Variants in RPL9 observed in about 807,000 individuals in gnomAD.
The protein encoded by RPL9 is large ribosomal subunit protein uL6.
For missense variants in RPL9, 149 were observed against 236.7 expected (o/e 0.63, Z 2.43); for synonymous variants, 82 against 77.1 (o/e 1.06, Z -0.33).
intron 4 of RPL9, 31 bp from the exon 5 acceptor site, chr4:39,456,569 A>C (rs772726721): frequency 3.1e-6 from 5 of 1,602,192 alleles, no homozygotes. Context: ...AGCTATTAGC[A>C]ATGCTGAGGA....
intron 1 of RPL9, 199 bp downstream of exon 1, chr4:39,458,692 C>T (rs1267187742): frequency 1.1e-5 from 7 of 623,564 alleles, no homozygotes; most frequent in Admixed American, 2.7e-5. Context: ...GCGGTGCCAT[C>T]CCGGCAAGAC....
At chr4:39,454,698 A>C in intron 6 of RPL9, 49 bp from the exon 7 acceptor site, 1 of 1,528,932 alleles carries the variant, frequency 6.5e-7, no homozygotes, top group Admixed American at 1.9e-5. Context: ...AACCCATCTT[A>C]AAAAGAAAGT....
At position 39,457,578 on chromosome 4, in the gene RPL9, C is replaced by T. The variant is rs202041451; in HGVS notation, c.258+8G>A. ...TCCAAAACAAGGAAGTCTGATACAT[C>T]TGCTTACCAGTGTAACACCCTTGAT... On this transcript the variant is annotated splice_region_variant and intron_variant, in intron 4 of 7. Coordinates refer to ENST00000295955, the MANE Select transcript of RPL9 (RefSeq NM_000661.5). 1.7e-5 allele frequency: 27 copies of T among 1,609,632 alleles called. No individual in the cohort carries two copies. Among genetic ancestry groups the T allele is most frequent in the Middle Eastern group, 1.7e-4 (1 of 5,970 alleles).
chr4:39,458,599 C>A, intron 1 of RPL9, 159 bp from the exon 2 acceptor site: 1 of 706,444 alleles, frequency 1.4e-6, no homozygotes, highest in Middle Eastern at 3.7e-4. Context: ...GTGTCCCAGC[C>A]TGGAAGGAGC....
Position 39,456,553 on chromosome 4 carries a change from T to C in RPL9, c.259-15A>G, listed in dbSNP as rs2109856107. ...TAACGGAAGCCCTATGTTAAATAAATAAGCAAGCTATTAGCAATGCTGAGG... is the reference window on the plus strand; with the variant it reads ...TAACGGAAGCCCTATGTTAAATAAACAAGCAAGCTATTAGCAATGCTGAGG... On this transcript the variant is annotated splice_polypyrimidine_tract_variant and intron_variant, in intron 4 of 7. Transcript: ENST00000295955. 4 of 1,584,570 alleles carry C rather than the reference T, an allele frequency of 2.5e-6. No individual in the cohort carries two copies. Among genetic ancestry groups the C allele is most frequent in the African/African-American group, 2.7e-5 (2 of 74,872 alleles).
At chr4:39,458,550 A>G (rs993152213) in intron 1 of RPL9, 110 bp from the exon 2 acceptor site, 21 of 1,190,648 alleles carry the variant, frequency 1.8e-5, no homozygotes, top group Non-Finnish European at 2.3e-5. Flanking sequence ...AGTTCCAGAC[A>G]AGATGTCGGA....
Position 39,458,904 on chromosome 4 carries a change from C to G in RPL9, c.-15G>C, listed in dbSNP as rs540003300. ...AAACATCCTTACCTCGCAGTAGACG[C>G]AGCAAAGAAAGAACGTCTGTCGTCA... On this transcript the variant is annotated 5_prime_UTR_variant, in exon 1 of 8. Coordinates refer to ENST00000295955, the MANE Select transcript of RPL9 (RefSeq NM_000661.5). The G allele has an allele frequency of 1.4e-6, 1 of 706,610 alleles. No homozygotes were observed. Among genetic ancestry groups the G allele is most frequent in the Non-Finnish European group, 2.6e-6 (1 of 388,152 alleles). 43.8% of individuals were successfully genotyped at this position (706,610 alleles called of 1,614,324 possible).
Position 39,456,536 on chromosome 4 carries a change from G to A in RPL9, c.261C>T (p.Gly87=), listed in dbSNP as rs908635339. ...VQNMIKGVTL[G]FRYKMRSVYA... Reference sequence around the variant, plus strand: ...ACACAGACCTCATCTTGTAACGGAAGCCCTATGTTAAATAAATAAGCAAGC... The same window carrying A: ...ACACAGACCTCATCTTGTAACGGAAACCCTATGTTAAATAAATAAGCAAGC... The change falls in exon 5 of 8, where the codon GGC becomes GGT. Residue 87 remains glycine, a splice_region_variant and synonymous_variant. Coordinates refer to ENST00000295955, the MANE Select transcript of RPL9 (RefSeq NM_000661.5). 1.2e-6 allele frequency: 2 copies of A among 1,613,338 alleles called. No homozygotes were observed. Among genetic ancestry groups the A allele is most frequent in the South Asian group, 1.1e-5 (1 of 90,952 alleles).
At chr4:39,458,467 C>T (rs753196691) in intron 1 of RPL9, 27 bp from the exon 2 acceptor site, 5 of 1,612,474 alleles carry the variant, frequency 3.1e-6, no homozygotes, top group Non-Finnish European at 4.2e-6. Flanking sequence ...GGGGGTGAGG[C>T]CGACGCAAGG....
At chr4:39,458,534 G>A (rs1744228274) in intron 1 of RPL9, 94 bp from the exon 2 acceptor site, 2 of 1,368,020 alleles carry the variant, frequency 1.5e-6, no homozygotes, top group Non-Finnish European at 2.0e-6. Context: ...GAGACTGCCA[G>A]GCGGAAGTTC....
chr4:39,456,578 G>C, intron 4 of RPL9, 40 bp from the exon 5 acceptor site: 1 of 1,596,858 alleles, frequency 6.3e-7, no homozygotes. Flanking sequence ...CAATGCTGAG[G>C]AATATTTTTA....
At chr4:39,458,129 A>C (rs1179769442) in intron 3 of RPL9, 65 bp downstream of exon 3, 2 of 1,506,432 alleles carry the variant, frequency 1.3e-6, no homozygotes, top group South Asian at 2.3e-5. Context: ...TAAAGCAACC[A>C]AATGTGATGC....
chr4:39,458,526 G>C (rs1335697818), intron 1 of RPL9, 86 bp from the exon 2 acceptor site: 9 of 1,424,742 alleles, frequency 6.3e-6, no homozygotes, highest in Non-Finnish European at 7.8e-6. Context: ...TCCTACTGGA[G>C]ACTGCCAGGC....
intron 7 of RPL9, 149 bp from the exon 8 acceptor site, chr4:39,454,374 G>T (rs1050353342): frequency 2.1e-5 from 13 of 606,646 alleles, no homozygotes; most frequent in South Asian, 4.4e-5. Flanking sequence ...GTAGTAAAAT[G>T]CATGCCAATT....
chr4:39,456,727 G>A (rs955783368), intron 4 of RPL9, 189 bp from the exon 5 acceptor site: 4 of 624,368 alleles, frequency 6.4e-6, no homozygotes, highest in East Asian at 5.9e-5. Context: ...AGCTCCTTGC[G>A]GAGGCTTTAT....
chr4:39,458,570 A>C (rs946835207), intron 1 of RPL9, 130 bp from the exon 2 acceptor site: 1 of 950,656 alleles, frequency 1.1e-6, no homozygotes, highest in East Asian at 2.6e-5. Context: ...AGGACGGGAG[A>C]CCGACAGCGG....
rs1744016577 is a variant in RPL9, at chr4:39,454,656, G to T, written c.473-7C>A. On this transcript the variant is annotated splice_polypyrimidine_tract_variant and splice_region_variant and intron_variant, in intron 6 of 7. Transcript: ENST00000295955. ...GCTTGCTGAATCAAAGCCGCTATAGGAGTGAAGATAAAGCAATTAATACAT... is the reference window on the plus strand; with the variant it reads ...GCTTGCTGAATCAAAGCCGCTATAGTAGTGAAGATAAAGCAATTAATACAT... 1 of 1,608,772 alleles carries T rather than the reference G, an allele frequency of 6.2e-7. No homozygotes were observed. Among genetic ancestry groups the T allele is most frequent in the Non-Finnish European group, 8.5e-7 (1 of 1,177,236 alleles).
At chr4:39,456,690 T>C (rs1421680277) in intron 4 of RPL9, 152 bp from the exon 5 acceptor site, 4 of 812,016 alleles carry the variant, frequency 4.9e-6, no homozygotes, top group East Asian at 2.7e-5. Context: ...CTTATAAACA[T>C]TGTTCTGTCT....
Position 39,456,726 on chromosome 4 carries a change from C to T in RPL9, c.259-188G>A, listed in dbSNP as rs573396427. The T allele has an allele frequency of 1.7e-4, 107 of 626,144 alleles. No individual in the cohort carries two copies. In the Admixed American group the frequency reaches 3.0e-3, roughly 18 times the overall value. The allele number at this position is 626,144 out of a possible 1,614,324, so 38.8% of individuals were successfully genotyped here. ...ATTCAGTGGACTGTAAAGCTCCTTG[C>T]GGAGGCTTTATTTCACTAGCTCTTA... On this transcript the variant is annotated intron_variant, in intron 4 of 7. Transcript: ENST00000295955.
Sources: allele counts gnomAD v4.1 joint callset, GRCh38; gene constraint gnomAD v4.1.1; transcripts MANE v1.5; gene names NCBI Gene and HGNC (gene_info 2026-07-23, HGNC 2026-07-21).